SSBP2: variants seen among roughly 807,000 people sequenced by gnomAD.
The protein encoded by SSBP2 is single-stranded DNA-binding protein 2.
SSBP2 carries 17 observed loss-of-function variants against 61.8 expected under a neutral mutation model. The observed-to-expected ratio is 0.28, with a 90% CI of 0.19 to 0.41. SSBP2 has a LOEUF of 0.41. Ranked by LOEUF, SSBP2 falls within the 10% of genes least tolerant of loss-of-function variation. SSBP2 has a pLI of 1.00. For synonymous variants in SSBP2, 139 were observed against 141.3 expected, an observed-to-expected ratio of 0.98 and a Z score of 0.12; for missense variants, 310 against 458.7, an observed-to-expected ratio of 0.68 and a Z score of 2.96.
chr5:81,566,941 G>C (rs1773465886), intron 4 of SSBP2, among the ~76,000 whole-genome samples: 1 of 152,168 alleles, frequency 6.6e-6, no homozygotes, highest in Non-Finnish European at 1.5e-5. Flanking sequence ...TAGTGTATCT[G>C]ACAGAAGAAA....
chr5:81,688,348 T>G (rs955870492), intron 1 of SSBP2, among the ~76,000 whole-genome samples: 2 of 152,184 alleles, frequency 1.3e-5, no homozygotes, highest in Non-Finnish European at 2.9e-5. Flanking sequence ...AGGGGAAACT[T>G]GCCGCCCTGA....
intron 10 of SSBP2, 137 bp from the exon 11 acceptor site, chr5:81,448,962 A>G: frequency 1.5e-6 from 1 of 670,288 alleles, no homozygotes; most frequent in Non-Finnish European, 2.5e-6. Context: ...AAAAATTTGT[A>G]TCTGTTTAAG....
At chr5:81,748,158 T>C (rs151272538) in intron 1 of SSBP2, among the ~76,000 whole-genome samples, 6 of 152,336 alleles carry the variant, frequency 3.9e-5, no homozygotes, top group East Asian at 1.9e-4. Flanking sequence ...CATTTCTTGA[T>C]TATAAAACCA....
chr5:81,593,694 C>T (rs570542190), intron 4 of SSBP2, among the ~76,000 whole-genome samples: 1 of 152,296 alleles, frequency 6.6e-6, no homozygotes, highest in South Asian at 2.1e-4. Flanking sequence ...ACTCAACATT[C>T]TTAAAGAAAA....
chr5:81,448,222 G>A lies in SSBP2; in HGVS notation c.723+568C>T, dbSNP rs551771836. On this transcript the variant is annotated intron_variant, in intron 11 of 16. Transcript: ENST00000320672. The stretch of plus-strand genomic sequence containing the variant: ...TAAAAGGTCACTTGTAAGCTCAGGA[G>A]GTCATATAAAACTTATTAATTTGAC... 5.9e-3 allele frequency among the ~76,000 whole-genome samples: 899 copies of A among 152,198 alleles called. 6 individuals are homozygous for A. Among genetic ancestry groups the A allele is most frequent in the African/African-American group, 0.02 (840 of 41,544 alleles).
chr5:81,689,576 A>G (rs182142462), intron 1 of SSBP2, among the ~76,000 whole-genome samples: 3 of 152,170 alleles, frequency 2.0e-5, no homozygotes, highest in Non-Finnish European at 4.4e-5. Context: ...GCTAAAGAAA[A>G]AAAAAAAACT....
At chr5:81,610,568 A>T (rs1324909298) in intron 4 of SSBP2, among the ~76,000 whole-genome samples, 1 of 152,168 alleles carries the variant, frequency 6.6e-6, no homozygotes, top group African/African-American at 2.4e-5. Context: ...AATTCCTTGT[A>T]TTATAGGAGT....
At chr5:81,732,036 C>T (rs1342845520) in intron 1 of SSBP2, among the ~76,000 whole-genome samples, 5 of 152,008 alleles carry the variant, frequency 3.3e-5, no homozygotes, top group Non-Finnish European at 5.9e-5. Flanking sequence ...TCGAGGTTAC[C>T]TCTAATATCA....
At chr5:81,461,873 T>A (rs938097962) in intron 9 of SSBP2, among the ~76,000 whole-genome samples, 1 of 152,180 alleles carries the variant, frequency 6.6e-6, no homozygotes, top group African/African-American at 2.4e-5. Flanking sequence ...ATCAAAAAGG[T>A]CTCTTGTCCT....
chr5:81,721,555 T>G (rs745474413), intron 1 of SSBP2, among the ~76,000 whole-genome samples: 17 of 152,080 alleles, frequency 1.1e-4, no homozygotes, highest in Non-Finnish European at 2.5e-4. Flanking sequence ...AATCTAATTC[T>G]TTAGCAGTTC....
intron 5 of SSBP2, among the ~76,000 whole-genome samples, chr5:81,505,226 T>C (rs1768090490): frequency 6.6e-6 from 1 of 151,982 alleles, no homozygotes. Context: ...GTTGCTTTTA[T>C]GCTACAACCC....
chr5:81,494,800 A>G (rs567527881), intron 5 of SSBP2, among the ~76,000 whole-genome samples: 1 of 152,328 alleles, frequency 6.6e-6, no homozygotes, highest in African/African-American at 2.4e-5. Context: ...AAGAAAATCA[A>G]TAAATATTTG....
At chr5:81,595,112 GAAGA>G (rs1048017663) in intron 4 of SSBP2, among the ~76,000 whole-genome samples, 5 of 151,512 alleles carry the variant, frequency 3.3e-5, no homozygotes, top group African/African-American at 1.2e-4. Flanking sequence ...TAATAAAGAA[GAAGA>G]GAGAAGAATC....
intron 1 of SSBP2, among the ~76,000 whole-genome samples, chr5:81,677,475 G>T (rs1752069969): frequency 6.6e-6 from 1 of 152,068 alleles, no homozygotes; most frequent in Admixed American, 6.6e-5. Flanking sequence ...AATCTAATCT[G>T]TAATTGATAA....
intron 16 of SSBP2, among the ~76,000 whole-genome samples, chr5:81,425,320 C>A (rs1449113951): frequency 6.6e-6 from 1 of 152,078 alleles, no homozygotes; most frequent in African/African-American, 2.4e-5. Context: ...AGTTCCTCTA[C>A]CCTGAGCTAA....
intron 1 of SSBP2, among the ~76,000 whole-genome samples, chr5:81,714,389 T>A (rs1267471863): frequency 1.3e-5 from 2 of 152,202 alleles, no homozygotes; most frequent in Admixed American, 1.3e-4. Flanking sequence ...GCCTTTATAG[T>A]AGAATGATTT....
In SSBP2 at chr5:81,465,629, T is replaced by C. The variant is rs181465428; in HGVS notation, c.638+1345A>G. ...TCAAAATATATACTCCTTACATTTA[T>C]ACATGGTATTCAACATCATACCCCT... is the stretch of plus-strand genomic sequence containing the variant. On this transcript the variant is annotated intron_variant, in intron 9 of 16. Coordinates refer to ENST00000320672, the MANE Select transcript of SSBP2 (RefSeq NM_012446.5). Among the ~76,000 whole-genome samples the C allele has an allele frequency of 3.1e-4, 47 of 152,236 alleles. 1 individual carries two copies. Among genetic ancestry groups the C allele is most frequent in the Admixed American group, 2.6e-3 (39 of 15,290 alleles).
intron 4 of SSBP2, among the ~76,000 whole-genome samples, chr5:81,550,469 TTAA>T (rs1434747942): frequency 6.6e-6 from 1 of 152,196 alleles, no homozygotes; most frequent in Non-Finnish European, 1.5e-5. Context: ...AGTAATTTTA[TTAA>T]TGAGAAAATG....
chr5:81,467,089 A>G, intron 8 of SSBP2, 24 bp from the exon 9 acceptor site: 1 of 1,519,236 alleles, frequency 6.6e-7, no homozygotes, highest in Non-Finnish European at 9.1e-7. Context: ...AAAAAACAAA[A>G]CCAAAGAGGA....
Sources: allele counts gnomAD v4.1 joint callset (sites outside exome capture counted in the v4.1 genomes callset), GRCh38; gene constraint gnomAD v4.1.1; transcripts MANE v1.5; gene names NCBI Gene and HGNC (gene_info 2026-07-23, HGNC 2026-07-21).